CNOT10: variants seen among roughly 807,000 people sequenced by gnomAD.
CNOT10 encodes CCR4-NOT transcription complex, subunit 10.
In CNOT10, 30 loss-of-function variants were observed where a neutral mutation model predicts 94.6. The observed-to-expected ratio is 0.32, with a 90% CI of 0.24 to 0.43. The LOEUF is 0.43. CNOT10 is among the 20% of genes least tolerant of loss of function. CNOT10 has a pLI of 1.00. For synonymous variants in CNOT10, 289 were observed against 301.6 expected (o/e 0.96, Z 0.43); for missense variants, 759 against 877.2 (o/e 0.87, Z 1.70).
chr3:32,733,303 G>A, intron 10 of CNOT10, 120 bp from the exon 11 acceptor site: 2 of 717,894 alleles, frequency 2.8e-6, no homozygotes, highest in South Asian at 2.8e-5. Context: ...ACCAAAAAAA[G>A]TCCTCATTGA....
intron 13 of CNOT10, among the ~76,000 whole-genome samples, chr3:32,749,802 C>T (rs745312820): frequency 7.2e-5 from 11 of 151,904 alleles, no homozygotes; most frequent in Admixed American, 2.0e-4. Context: ...AGAGAAATAT[C>T]GGGTGATGGG....
At chr3:32,724,850 T>TGAGA (rs1463876093) in intron 8 of CNOT10, among the ~76,000 whole-genome samples, 1 of 147,790 alleles carries the variant, frequency 6.8e-6, no homozygotes, top group East Asian at 2.0e-4. Context: ...TGAGCCATCG[T>TGAGA]ACCCAGCCTC....
intron 12 of CNOT10, among the ~76,000 whole-genome samples, chr3:32,735,914 A>G (rs1443087065): frequency 6.6e-6 from 1 of 152,162 alleles, no homozygotes; most frequent in Non-Finnish European, 1.5e-5. Flanking sequence ...TAGTCTGGGC[A>G]GCATAGCAAG....
Position 32,720,155 on chromosome 3 carries a change from A to G in CNOT10, c.786A>G (p.Leu262=). ...TTCTTAAAAGCAATTTTGAGTACTT[A>G]AGAGGTAATTATCGAAAAGCCGTGA... ...SLFLKSNFEY[L]RGNYRKAVKL... is the part of the protein sequence containing the mutation. Residue 262 remains leucine (L), a synonymous_variant, in exon 8 of 19, where the codon TTA becomes TTG. Coordinates refer to ENST00000328834, the MANE Select transcript of CNOT10 (RefSeq NM_015442.3). The G allele has an allele frequency of 6.4e-7, 1 of 1,551,994 alleles. No individual in the cohort carries two copies. Among genetic ancestry groups the G allele is most frequent in the South Asian group, 1.2e-5 (1 of 82,340 alleles).
At chr3:32,736,750 CTGGG>C (rs1373145651) in intron 12 of CNOT10, among the ~76,000 whole-genome samples, 1 of 152,082 alleles carries the variant, frequency 6.6e-6, no homozygotes, top group Non-Finnish European at 1.5e-5. Context: ...GCACTCCAGC[CTGGG>C]CAACAGTCTC....
At chr3:32,695,233 T>G (rs568548304) in intron 1 of CNOT10, among the ~76,000 whole-genome samples, 1 of 152,302 alleles carries the variant, frequency 6.6e-6, no homozygotes, top group African/African-American at 2.4e-5. Flanking sequence ...AGTATACTTG[T>G]TCAGATGATA....
chr3:32,688,928 G>C (rs1217822563), intron 1 of CNOT10, among the ~76,000 whole-genome samples: 1 of 151,972 alleles, frequency 6.6e-6, no homozygotes, highest in African/African-American at 2.4e-5. Flanking sequence ...ATAAAAGGCC[G>C]GACGTGGTGG....
At chr3:32,726,119 G>GT (rs1405982800) in intron 9 of CNOT10, among the ~76,000 whole-genome samples, 1 of 151,868 alleles carries the variant, frequency 6.6e-6, no homozygotes, top group Non-Finnish European at 1.5e-5. Flanking sequence ...TAATTTTTGT[G>GT]TTTTTTGTAA....
chr3:32,748,982 C>T (rs1277471546), intron 13 of CNOT10, among the ~76,000 whole-genome samples: 1 of 152,076 alleles, frequency 6.6e-6, no homozygotes, highest in Admixed American at 6.6e-5. Flanking sequence ...TAACCACACC[C>T]AGCTAATTTT....
chr3:32,695,790 TAAAG>T, intron 1 of CNOT10: 3 of 1,535,868 alleles, frequency 2.0e-6, no homozygotes, highest in Non-Finnish European at 2.6e-6. Context: ...TTTGGGCAAA[TAAAG>T]AAATGCTGTG....
At chr3:32,731,053 T>G (rs1295760439) in intron 10 of CNOT10, 1 of 152,150 alleles carries the variant, frequency 6.6e-6, no homozygotes, top group Non-Finnish European at 1.5e-5. Flanking sequence ...GCCTTAGCAA[T>G]AAGAAAAGAG....
chr3:32,714,993 G>T (rs1470471453), intron 5 of CNOT10, among the ~76,000 whole-genome samples: 1 of 152,120 alleles, frequency 6.6e-6, no homozygotes, highest in African/African-American at 2.4e-5. Flanking sequence ...ATTCATAAGG[G>T]ATTTCAGTTG....
At chr3:32,718,448 G>A (rs1698223835) in intron 7 of CNOT10, among the ~76,000 whole-genome samples, 1 of 150,616 alleles carries the variant, frequency 6.6e-6, no homozygotes, top group Non-Finnish European at 1.5e-5. Context: ...GCCGGGCGTG[G>A]TGGCGGGCGC....
chr3:32,739,823 G>T (rs1396703329), intron 13 of CNOT10, among the ~76,000 whole-genome samples: 4 of 152,168 alleles, frequency 2.6e-5, no homozygotes, highest in Non-Finnish European at 5.9e-5. Flanking sequence ...TACTTGGGAG[G>T]CTGAGGCTGG....
intron 1 of CNOT10, among the ~76,000 whole-genome samples, chr3:32,687,931 A>G (rs182048035): frequency 4.5e-4 from 68 of 152,240 alleles, no homozygotes; most frequent in Middle Eastern, 3.4e-3. Flanking sequence ...CATTCAGTCT[A>G]TCTTACATGC....
intron 13 of CNOT10, among the ~76,000 whole-genome samples, chr3:32,756,303 AT>A (rs1039830957): frequency 2.7e-4 from 41 of 152,294 alleles, no homozygotes; most frequent in African/African-American, 7.0e-4. Context: ...TTGAATGATT[AT>A]TTTTTATAGT....
intron 13 of CNOT10, chr3:32,753,086 T>C (rs1700034679): frequency 1.9e-6 from 1 of 529,088 alleles, no homozygotes; most frequent in Non-Finnish European, 3.7e-6. Context: ...TTCTTGTAAT[T>C]ACTGTGTTGC....
At chr3:32,708,868 C>G in intron 4 of CNOT10, 48 bp downstream of exon 4, 1 of 1,494,810 alleles carries the variant, frequency 6.7e-7, no homozygotes, top group South Asian at 1.2e-5. Context: ...CCTATACTTG[C>G]AGAATTCTCT....
intron 14 of CNOT10, 90 bp downstream of exon 14, chr3:32,759,661 C>T: frequency 1.2e-6 from 1 of 840,276 alleles, no homozygotes; most frequent in Non-Finnish European, 2.0e-6. Flanking sequence ...TTTGACTCCT[C>T]CAGTGGAATA....
Sources: allele counts gnomAD v4.1 joint callset (sites outside exome capture counted in the v4.1 genomes callset), GRCh38; gene constraint gnomAD v4.1.1; transcripts MANE v1.5; gene names NCBI Gene and HGNC (gene_info 2026-07-23, HGNC 2026-07-21).